The following SUDS3 variants were observed in gnomAD, a reference collection of about 807,000 sequenced individuals.
SUDS3 encodes SIN3A corepressor complex component SDS3, also known as sin3 histone deacetylase corepressor complex component SDS3.
SUDS3 carries 23 observed loss-of-function variants against 53.5 expected under a neutral mutation model. The observed-to-expected ratio is 0.43, with a 90% confidence interval of 0.31 to 0.61. The LOEUF (loss-of-function observed/expected upper bound fraction) is 0.61. Among genes scored for constraint, SUDS3 ranks in the 20% least tolerant of loss-of-function variants. The pLI, the probability that SUDS3 is intolerant of heterozygous loss-of-function variation, is 0.10. For synonymous variants in SUDS3, 150 were observed against 148.5 expected, an observed-to-expected ratio of 1.01 and a Z score of -0.08; for missense variants, 291 against 405.9, an observed-to-expected ratio of 0.72 and a Z score of 2.43.
At position 118,412,475 on chromosome 12, in the gene SUDS3, G is replaced by GGGAGA. The variant is rs780390314; in HGVS notation, c.888+1320_888+1324dup. Among the ~76,000 whole-genome samples, 7 of 152,296 alleles carry GGGAGA rather than the reference G, an allele frequency of 4.6e-5. No homozygotes were observed. The South Asian group carries it at 8.3e-4, about 18-fold the overall frequency. On this transcript the variant is annotated intron_variant, in intron 11 of 11. Coordinates refer to ENST00000543473, the MANE Select transcript of SUDS3 (RefSeq NM_022491.3). The stretch of plus-strand genomic sequence containing the variant: ...AAAATGATTGTTTACTTAGAAGTTA[G>GGGAGA]GGAGAGCCTTCTAGATAAATGAATG...
At chr12:118,379,704 T>A (rs1196019759) in intron 1 of SUDS3, among the ~76,000 whole-genome samples, 4 of 152,242 alleles carry the variant, frequency 2.6e-5, no homozygotes, top group African/African-American at 9.6e-5. Context: ...GTCTTACGCC[T>A]GCATCTCCTT....
In SUDS3 at chr12:118,391,123, C is replaced by T; in HGVS notation, c.361-3C>T. On this transcript the variant is annotated splice_region_variant and splice_polypyrimidine_tract_variant and intron_variant, in intron 5 of 11. Transcript: ENST00000543473. ...TCCCAGCCCGTGTTTCTCTTTTGCTCAGACTGAACAAGTGGAACGAAATTA... is the reference window on the plus strand; with the variant it reads ...TCCCAGCCCGTGTTTCTCTTTTGCTTAGACTGAACAAGTGGAACGAAATTA... 1 of 1,612,366 alleles carries T rather than the reference C, an allele frequency of 6.2e-7. No individual in the cohort carries two copies. Among genetic ancestry groups the T allele is most frequent in the South Asian group, 1.1e-5 (1 of 90,796 alleles).
chr12:118,411,507 A>G (rs1343288808), intron 11 of SUDS3, among the ~76,000 whole-genome samples: 1 of 149,640 alleles, frequency 6.7e-6, no homozygotes, highest in African/African-American at 2.5e-5. Context: ...TTTTATTTTT[A>G]TTTTTTTTGA....
intron 10 of SUDS3, among the ~76,000 whole-genome samples, chr12:118,408,187 C>G (rs1337669268): frequency 8.5e-5 from 13 of 152,202 alleles, no homozygotes. Flanking sequence ...GCGTAAGCCA[C>G]TACGCCTGGC....
At chr12:118,381,380 T>C (rs887367359) in intron 2 of SUDS3, among the ~76,000 whole-genome samples, 4 of 149,116 alleles carry the variant, frequency 2.7e-5, no homozygotes, top group Admixed American at 2.7e-4. Flanking sequence ...AATTTTTGTA[T>C]TTATTTATTT....
Position 118,383,884 on chromosome 12 carries a change from T to C in SUDS3, c.213-128T>C, listed in dbSNP as rs2046090050. ...TTTTAAGCCAGCAAGCAGACTTTAC[T>C]TTCCTCTCTTCCCTGAAGGACATTA... On this transcript the variant is annotated intron_variant, in intron 2 of 11. Transcript: ENST00000543473. 3.8e-6 allele frequency: 3 copies of C among 780,334 alleles called. No individual in the cohort carries two copies. The East Asian group carries it at 8.1e-5, about 21-fold the overall frequency. 48.3% of individuals were successfully genotyped at this position (780,334 alleles called of 1,614,324 possible).
At chr12:118,387,654 C>G (rs1403989453) in intron 4 of SUDS3, among the ~76,000 whole-genome samples, 1 of 151,888 alleles carries the variant, frequency 6.6e-6, no homozygotes, top group Non-Finnish European at 1.5e-5. Flanking sequence ...TGGGTTCAAG[C>G]GATTCTCATG....
At chr12:118,397,045 T>G (rs770282575) in intron 6 of SUDS3, among the ~76,000 whole-genome samples, 2 of 152,312 alleles carry the variant, frequency 1.3e-5, no homozygotes, top group African/African-American at 4.8e-5. Context: ...CACATAACGC[T>G]CTCTCAAGTC....
intron 8 of SUDS3, 35 bp downstream of exon 8, chr12:118,401,855 C>T (rs763017260): frequency 6.2e-7 from 1 of 1,608,360 alleles, no homozygotes; most frequent in Admixed American, 1.7e-5. Context: ...TTTGAAAACT[C>T]AGGCTTTTGT....
In SUDS3 at chr12:118,403,450, G is replaced by A. The variant is rs538334959; in HGVS notation, c.736G>A (p.Ala246Thr). 41 of 1,613,700 alleles carry A rather than the reference G, an allele frequency of 2.5e-5. No individual in the cohort carries two copies. The highest frequency in any genetic ancestry group is 1.3e-4 in the African/African-American group (10 of 75,016). Residue 246 changes from alanine to threonine, a missense_variant, in exon 10 of 12, where the codon GCG (alanine) becomes ACG (threonine). Ala to Thr is a moderately conservative substitution (Grantham distance 58, BLOSUM62 0). This residue lies in a region of SUDS3 where 77 missense variants were observed against 87.1 expected (regional missense o/e 0.88). Coordinates refer to ENST00000543473, the MANE Select transcript of SUDS3 (RefSeq NM_022491.3). The stretch of plus-strand genomic sequence containing the variant: ...TCCTGAGCACTTGCCTGCAACACCC[G>A]CGGAATCTCCAGCCCAGAGGTTCGA... ...SSPEHLPATPAESPAQRFEAR... is the reference protein window; with the variant it reads ...SSPEHLPATPTESPAQRFEAR...
At chr12:118,387,720 T>A (rs973616354) in intron 4 of SUDS3, among the ~76,000 whole-genome samples, 1 of 152,068 alleles carries the variant, frequency 6.6e-6, no homozygotes, top group Non-Finnish European at 1.5e-5. Context: ...CCTGGCTAAT[T>A]TTGTATTTTT....
In SUDS3 at chr12:118,403,396, T is replaced by C. The variant is rs756375514; in HGVS notation, c.698-16T>C. ...TTTGTTACATTCTTAGTCACGTAAG[T>C]ATTGGTTTCCTCCAGCATCTCCATC... On this transcript the variant is annotated splice_polypyrimidine_tract_variant and intron_variant, in intron 9 of 11. Transcript: ENST00000543473. 1 of 1,603,286 alleles carries C rather than the reference T, an allele frequency of 6.2e-7. No homozygotes were observed. Among genetic ancestry groups the C allele is most frequent in the African/African-American group, 1.3e-5 (1 of 74,844 alleles).
intron 2 of SUDS3, among the ~76,000 whole-genome samples, chr12:118,382,244 C>T (rs1278235966): frequency 6.6e-6 from 1 of 152,044 alleles, no homozygotes; most frequent in East Asian, 1.9e-4. Context: ...GACGGGGTTT[C>T]ACCATGTTGG....
Position 118,409,118 on chromosome 12 carries a change from C to T in SUDS3, c.804-1955C>T, listed in dbSNP as rs182554967. Among the ~76,000 whole-genome samples, 90 of 151,998 alleles carry T rather than the reference C, an allele frequency of 5.9e-4. No homozygotes were observed. In the East Asian group the frequency reaches 0.016, roughly 27 times the overall value. On this transcript the variant is annotated intron_variant, in intron 10 of 11. Transcript: ENST00000543473. Reference sequence around the variant, plus strand: ...GCAACTTTAAAACTTGCATTTAAACCATTCTCGCTGTTCTAATTGAATTTA... The same window carrying T: ...GCAACTTTAAAACTTGCATTTAAACTATTCTCGCTGTTCTAATTGAATTTA...
At chr12:118,394,434 T>C (rs921140250) in intron 6 of SUDS3, among the ~76,000 whole-genome samples, 2 of 152,152 alleles carry the variant, frequency 1.3e-5, no homozygotes, top group African/African-American at 4.8e-5. Flanking sequence ...TAGATAGTGG[T>C]TCAGCCAGTG....
intron 9 of SUDS3, chr12:118,402,729 G>A (rs2046274349): frequency 6.6e-6 from 1 of 151,906 alleles, no homozygotes; most frequent in Non-Finnish European, 1.5e-5. Flanking sequence ...AGGGAGTTGT[G>A]TGAGTGTAAA....
At chr12:118,378,661 T>C (rs1291958609) in intron 1 of SUDS3, among the ~76,000 whole-genome samples, 1 of 151,734 alleles carries the variant, frequency 6.6e-6, no homozygotes, top group African/African-American at 2.4e-5. Context: ...TTTGTGGTTT[T>C]ATTTGTTGTT....
At chr12:118,401,883 T>A in intron 8 of SUDS3, 63 bp downstream of exon 8, 1 of 1,599,662 alleles carries the variant, frequency 6.3e-7, no homozygotes, top group East Asian at 2.2e-5. Flanking sequence ...TGATTTTGTT[T>A]GTTAACATGT....
In SUDS3 at chr12:118,407,800, A is replaced by T. The variant is rs575113836; in HGVS notation, c.804-3273A>T. Among the ~76,000 whole-genome samples, 4 of 146,994 alleles carry T rather than the reference A, an allele frequency of 2.7e-5. No homozygotes were observed. The South Asian group carries it at 8.7e-4, about 32-fold the overall frequency. On this transcript the variant is annotated intron_variant, in intron 10 of 11. Transcript: ENST00000543473. ...GTGGCGCAATCTTGGCTCACTGCAG[A>T]CTCCGCCTCCCAGGTTCAAGCGATT...
Sources: gnomAD v4.1 joint callset for allele counts (sites outside exome capture counted in the v4.1 genomes callset) on GRCh38, gnomAD v4.1.1 for gene constraint, gnomAD v4.1.1 regional missense constraint, MANE v1.5 for transcripts, NCBI Gene and HGNC (gene_info 2026-07-23, HGNC 2026-07-21) for gene names.